COL4A4: variants seen among roughly 807,000 people sequenced by gnomAD.
The protein encoded by COL4A4 is collagen alpha-4(IV) chain.
Under a neutral mutation model 192.9 loss-of-function variants are expected in COL4A4, and 105 were observed. The ratio of observed to expected loss-of-function variants is 0.54; its 90% CI spans 0.46 to 0.64. The LOEUF is 0.64. COL4A4 is among the 30% of genes least tolerant of loss of function. COL4A4 has a pLI of 0.00. For synonymous variants in COL4A4, 762 were observed against 769.9 expected (o/e 0.99, Z 0.17); for missense variants, 1,967 against 2,169.3 (o/e 0.91, Z 1.85).
At chr2:226,978,263 C>CT in the COL4A4 span, among the ~76,000 whole-genome samples, 47 of 152,258 alleles carry the variant, frequency 3.1e-4, no homozygotes, top group African/African-American at 1.0e-3. Context: ...AATTTGTACT[C>CT]TTTTTTCTCC....
At chr2:226,978,987 T>C in the COL4A4 span, among the ~76,000 whole-genome samples, 5 of 152,142 alleles carry the variant, frequency 3.3e-5, no homozygotes, top group African/African-American at 1.2e-4. Flanking sequence ...AGGATGTAGG[T>C]ATGTATAAAA....
chr2:227,014,546 T>C (rs564312557), intron 44 of COL4A4, among the ~76,000 whole-genome samples: 1 of 152,346 alleles, frequency 6.6e-6, no homozygotes, highest in East Asian at 1.9e-4. Context: ...CTGTTTATTC[T>C]GTGTCAGGCT....
intron 1 of COL4A4, among the ~76,000 whole-genome samples, chr2:227,154,282 G>T (rs917580547): frequency 6.6e-6 from 1 of 152,128 alleles, no homozygotes; most frequent in African/African-American, 2.4e-5. Context: ...CAAATGACAG[G>T]TTTGGGAACA....
chr2:227,008,982 A>G (rs1164147441), intron 46 of COL4A4, among the ~76,000 whole-genome samples: 1 of 152,216 alleles, frequency 6.6e-6, no homozygotes, highest in African/African-American at 2.4e-5. Flanking sequence ...TGGTTAGACC[A>G]AGGTGGGAGA....
chr2:227,041,842 A>AGAGAGAGAGAGAGAGAGAG (rs1559477918), intron 37 of COL4A4, among the ~76,000 whole-genome samples: 1 of 62,740 alleles, frequency 1.6e-5, no homozygotes, highest in African/African-American at 8.6e-5. Context: ...GAAAGAAAGA[A>AGAGAGAGAGAGAGAGAGAG]AGAAAGAGAA....
intron 37 of COL4A4, among the ~76,000 whole-genome samples, chr2:227,034,059 C>A (rs544263350): frequency 6.6e-6 from 1 of 152,338 alleles, no homozygotes; most frequent in Non-Finnish European, 1.5e-5. Flanking sequence ...CTTTCACAAC[C>A]ATTCTGATGC....
intron 17 of COL4A4, among the ~76,000 whole-genome samples, chr2:227,100,199 G>GA: frequency 6.6e-6 from 1 of 152,204 alleles, no homozygotes; most frequent in Admixed American, 6.5e-5. Context: ...AAAAAGGAAA[G>GA]AAAAAATGCA....
Position 227,103,124 on chromosome 2 carries a change from AAG to A in COL4A4, c.870+18_870+19del, listed in dbSNP as rs1491287708. On this transcript the variant is annotated intron_variant, in intron 14 of 47. Transcript: ENST00000396625. The stretch of plus-strand genomic sequence containing the variant: ...GTACATCACACAAATGAAAAAAAAA[AAG>A]GTACTTAAATAAACTACCTTGCGTC... The A allele has an allele frequency of 4.4e-6, 7 of 1,599,942 alleles. No homozygotes were observed. The African/African-American group carries it at 6.7e-5, about 15-fold the overall frequency.
intron 21 of COL4A4, among the ~76,000 whole-genome samples, chr2:227,089,587 C>CTATATATATATATATATATA (rs1284003513): frequency 3.2e-5 from 2 of 62,132 alleles, no homozygotes; most frequent in African/African-American, 4.8e-5. Context: ...GGCAAATGTT[C>CTATATATATATATATATATA]CATATATATA....
chr2:226,987,238 A>G, the COL4A4 span, among the ~76,000 whole-genome samples: 1 of 152,190 alleles, frequency 6.6e-6, no homozygotes, highest in Non-Finnish European at 1.5e-5. Flanking sequence ...TGGGGCTTAT[A>G]ACGAGATGAC....
chr2:227,054,027 A>G (rs1336024042), intron 31 of COL4A4, among the ~76,000 whole-genome samples: 2 of 152,234 alleles, frequency 1.3e-5, no homozygotes, highest in African/African-American at 4.8e-5. Context: ...GTTGAGGGGT[A>G]AAACTCAAAA....
intron 1 of COL4A4, among the ~76,000 whole-genome samples, chr2:227,156,426 C>T (rs977461836): frequency 6.9e-6 from 1 of 145,900 alleles, no homozygotes; most frequent in Non-Finnish European, 1.5e-5. Context: ...AACCAGGGCA[C>T]ACCAGGCAGA....
At position 227,147,469 on chromosome 2, in the gene COL4A4, G is replaced by A. The variant is rs199504524; in HGVS notation, c.15C>T (p.His5=). The change falls in exon 2 of 48, where the codon CAC becomes CAT. Residue 5 remains histidine, a synonymous_variant. Coordinates refer to ENST00000396625, the MANE Select transcript of COL4A4 (RefSeq NM_000092.5). ...TGAAGGAGCACCTCATTAGTACTAT[G>A]TGCAGAGACCACATCGCAGGCAAGT... MWSL[H]IVLMRCSFRL... The A allele has an allele frequency of 1.9e-4, 302 of 1,613,712 alleles. No individual in the cohort carries two copies. The highest frequency in any genetic ancestry group is 2.4e-4 in the Non-Finnish European group (286 of 1,179,748).
chr2:226,995,143 A>C, the COL4A4 span, among the ~76,000 whole-genome samples: 2 of 152,192 alleles, frequency 1.3e-5, no homozygotes, highest in African/African-American at 2.4e-5. Flanking sequence ...TGTAAGCCTA[A>C]ATGATGCAAA....
chr2:226,985,262 C>A, the COL4A4 span, among the ~76,000 whole-genome samples: 1 of 152,182 alleles, frequency 6.6e-6, no homozygotes, highest in Non-Finnish European at 1.5e-5. Context: ...GTATCTATAT[C>A]TCTCCCAGTG....
chr2:227,153,593 T>C (rs2064114167), intron 1 of COL4A4, among the ~76,000 whole-genome samples: 1 of 151,912 alleles, frequency 6.6e-6, no homozygotes, highest in African/African-American at 2.4e-5. Context: ...GGGATGAGGA[T>C]AGTACAGACA....
chr2:227,107,859 G>A (rs1408061993), intron 12 of COL4A4, among the ~76,000 whole-genome samples: 1 of 149,190 alleles, frequency 6.7e-6, no homozygotes, highest in East Asian at 2.0e-4. Flanking sequence ...CCAGGTTCAA[G>A]CAATTCTCCT....
At chr2:227,114,190 A>AT (rs1165388539) in intron 8 of COL4A4, among the ~76,000 whole-genome samples, 1 of 152,162 alleles carries the variant, frequency 6.6e-6, no homozygotes, top group African/African-American at 2.4e-5. Flanking sequence ...CACTGGGGTG[A>AT]TTTCCCCCCA....
chr2:227,121,229 T>G, intron 4 of COL4A4, 81 bp from the exon 5 acceptor site: 10 of 1,439,338 alleles, frequency 6.9e-6, no homozygotes, highest in Non-Finnish European at 8.6e-6. Flanking sequence ...CATTCAGGCC[T>G]ACAGAAGACT....
Sources: allele counts gnomAD v4.1 joint callset (sites outside exome capture counted in the v4.1 genomes callset), GRCh38; gene constraint gnomAD v4.1.1; transcripts MANE v1.5; gene names NCBI Gene and HGNC (gene_info 2026-07-23, HGNC 2026-07-21).